The following SDK1 variants were observed in gnomAD, a reference collection of about 807,000 sequenced individuals.
SDK1 encodes sidekick cell adhesion molecule 1.
In SDK1, 157 loss-of-function variants were observed where a neutral mutation model predicts 245.5. That is an observed-to-expected ratio of 0.64 (90% CI 0.56 to 0.73). The LOEUF (loss-of-function observed/expected upper bound fraction) is 0.73. Among genes scored for constraint, SDK1 ranks in the 30% least tolerant of loss-of-function variants. The pLI, the probability that SDK1 is intolerant of heterozygous loss-of-function variation, is 0.00. For synonymous variants in SDK1, 1,647 were observed against 1,278.5 expected (o/e 1.29, Z -6.15); for missense variants, 3,583 against 3,002.3 (o/e 1.19, Z -4.52).
intron 10 of SDK1, among the ~76,000 whole-genome samples, chr7:3,968,175 A>G (rs187764434): frequency 1.4e-3 from 209 of 152,320 alleles, no homozygotes; most frequent in African/African-American, 4.9e-3. Flanking sequence ...TTGTTGAAGA[A>G]AGATGCTTCC....
chr7:4,114,318 A>G (rs1783553914), intron 25 of SDK1, 44 bp downstream of exon 25: 3 of 1,475,704 alleles, frequency 2.0e-6, no homozygotes, highest in Admixed American at 3.9e-5. Context: ...CGCATTAGAG[A>G]TGGGGCTGAG....
intron 19 of SDK1, among the ~76,000 whole-genome samples, chr7:4,053,238 G>A (rs976885337): frequency 2.0e-5 from 3 of 151,900 alleles, no homozygotes; most frequent in African/African-American, 7.3e-5. Flanking sequence ...TGCTGCTCCC[G>A]TTTTTGGACT....
chr7:3,503,759 C>T (rs947942939), intron 1 of SDK1, among the ~76,000 whole-genome samples: 1 of 151,962 alleles, frequency 6.6e-6, no homozygotes, highest in Admixed American at 6.6e-5. Context: ...AAGTTCAAGA[C>T]TAGTACACTG....
chr7:3,726,173 T>C (rs1381906506), intron 4 of SDK1, among the ~76,000 whole-genome samples: 1 of 152,232 alleles, frequency 6.6e-6, no homozygotes, highest in African/African-American at 2.4e-5. Context: ...GAGAACATTT[T>C]AGATAAGTAG....
At position 3,301,274 on chromosome 7, in the gene SDK1, C is replaced by T. The variant is rs1384582096; in HGVS notation, c.-313C>T. Among the ~76,000 whole-genome samples, 3 of 134,840 alleles carry T rather than the reference C, an allele frequency of 2.2e-5. No homozygotes were observed. Among genetic ancestry groups the T allele is most frequent in the Non-Finnish European group, 4.7e-5 (3 of 63,332 alleles). The allele number at this position is 134,840 out of a possible 152,430, so 88.5% of individuals were successfully genotyped here. A position where few individuals can be genotyped will look rare whatever the true frequency, so the allele number is the denominator to read the frequency against. Reference sequence around the variant, plus strand: ...GGCGCACTTTCTTCTCAGCGCCGGGCGGGGGCGGCGGCGGCGGCGGCTCCT... The same window carrying T: ...GGCGCACTTTCTTCTCAGCGCCGGGTGGGGGCGGCGGCGGCGGCGGCTCCT... On this transcript the variant is annotated 5_prime_UTR_variant, in exon 1 of 45. Coordinates refer to ENST00000404826, the MANE Select transcript of SDK1 (RefSeq NM_152744.4).
intron 44 of SDK1, among the ~76,000 whole-genome samples, chr7:4,246,493 G>A: frequency 6.6e-6 from 1 of 152,088 alleles, no homozygotes; most frequent in Non-Finnish European, 1.5e-5. Context: ...GGTGGCAGCG[G>A]GTCTGATCCT....
At position 4,267,403 on chromosome 7, in the gene SDK1, T is replaced by C. The variant is rs1344661946; in HGVS notation, c.*2019T>C. 1.0e-6 allele frequency: 1 copy of C among 985,076 alleles called. No homozygotes were observed. The highest frequency in any genetic ancestry group is 1.1e-4 in the East Asian group (1 of 8,774). The allele number at this position is 985,076 out of a possible 1,614,324, so 61.0% of individuals were successfully genotyped here. Reference sequence around the variant, plus strand: ...AATATTCTAAACCAAAAATCCTAGATGCTCTGCCCAAAGCCACTTCTGCAT... The same window carrying C: ...AATATTCTAAACCAAAAATCCTAGACGCTCTGCCCAAAGCCACTTCTGCAT... On this transcript the variant is annotated 3_prime_UTR_variant, in exon 45 of 45. Transcript: ENST00000404826.
intron 1 of SDK1, among the ~76,000 whole-genome samples, chr7:3,495,595 C>G (rs1340037260): frequency 1.3e-5 from 2 of 152,156 alleles, no homozygotes; most frequent in African/African-American, 4.8e-5. Flanking sequence ...TGTGTTCAGG[C>G]TCTTTGCAAC....
intron 35 of SDK1, among the ~76,000 whole-genome samples, chr7:4,189,336 T>C (rs116802722): frequency 0.034 from 5,127 of 152,318 alleles, 109 homozygotes; most frequent in Non-Finnish European, 0.05. Flanking sequence ...AGCTCAAGGC[T>C]GAGGCTCACA....
intron 4 of SDK1, among the ~76,000 whole-genome samples, chr7:3,684,558 A>G (rs1583305138): frequency 1.3e-5 from 2 of 152,386 alleles, no homozygotes; most frequent in East Asian, 3.9e-4. Flanking sequence ...AGGTCTTATT[A>G]TATCATACCC....
chr7:3,889,943 C>T (rs377389413), intron 5 of SDK1, among the ~76,000 whole-genome samples: 97 of 152,310 alleles, frequency 6.4e-4, no homozygotes, highest in African/African-American at 2.1e-3. Flanking sequence ...CCCCGCTCCT[C>T]CTCCTCACTT....
intron 4 of SDK1, among the ~76,000 whole-genome samples, chr7:3,810,659 C>T (rs1322107980): frequency 6.6e-6 from 1 of 152,224 alleles, no homozygotes; most frequent in Non-Finnish European, 1.5e-5. Context: ...GTTACATCAA[C>T]AGTTACCCTA....
At chr7:3,462,330 T>C (rs980925907) in intron 1 of SDK1, among the ~76,000 whole-genome samples, 2 of 151,898 alleles carry the variant, frequency 1.3e-5, no homozygotes, top group African/African-American at 4.8e-5. Context: ...CTTTCTCTCT[T>C]CCCCCCTGCC....
At chr7:3,908,796 G>A (rs992739278) in intron 5 of SDK1, among the ~76,000 whole-genome samples, 6 of 151,752 alleles carry the variant, frequency 4.0e-5, no homozygotes, top group African/African-American at 1.5e-4. Flanking sequence ...GGAAAAGGAA[G>A]CATTTTTGGG....
intron 5 of SDK1, among the ~76,000 whole-genome samples, chr7:3,830,755 C>T (rs1779894215): frequency 6.6e-6 from 1 of 152,162 alleles, no homozygotes; most frequent in African/African-American, 2.4e-5. Context: ...TCTCGGCCTC[C>T]CAAAGTGCTG....
chr7:3,430,780 G>C (rs1354469977), intron 1 of SDK1, among the ~76,000 whole-genome samples: 2 of 152,222 alleles, frequency 1.3e-5, no homozygotes, highest in African/African-American at 4.8e-5. Context: ...GCCTGTGCAT[G>C]ACCTGCTAGG....
At chr7:3,893,031 G>A (rs975915839) in intron 5 of SDK1, among the ~76,000 whole-genome samples, 5 of 152,128 alleles carry the variant, frequency 3.3e-5, no homozygotes, top group African/African-American at 4.8e-5. Flanking sequence ...CAATTTGAGC[G>A]GGAAGCCCAG....
intron 32 of SDK1, among the ~76,000 whole-genome samples, chr7:4,172,941 G>T (rs534009672): frequency 1.3e-5 from 2 of 152,120 alleles, no homozygotes; most frequent in African/African-American, 2.4e-5. Context: ...CCAATTGCAC[G>T]TGCAAAGACC....
intron 22 of SDK1, among the ~76,000 whole-genome samples, chr7:4,099,811 G>A (rs1214169996): frequency 6.6e-6 from 1 of 150,998 alleles, no homozygotes; most frequent in East Asian, 2.0e-4. Flanking sequence ...GGTGGGAAAG[G>A]CCATGCTTGG....
Sources: allele counts gnomAD v4.1 joint callset (sites outside exome capture counted in the v4.1 genomes callset), GRCh38; gene constraint gnomAD v4.1.1; transcripts MANE v1.5; gene names NCBI Gene and HGNC (gene_info 2026-07-23, HGNC 2026-07-21).